Variants in ENOX1 observed in about 807,000 individuals in gnomAD.
ENOX1 encodes the protein candidate growth-related and time keeping constitutive hydroquinone (NADH) oxidase.
ENOX1 carries 42 observed loss-of-function variants against 82.5 expected under a neutral mutation model. The ratio of observed to expected loss-of-function variants is 0.51; its 90% CI spans 0.40 to 0.66. The LOEUF (loss-of-function observed/expected upper bound fraction) is 0.66. Ranked by LOEUF, ENOX1 falls within the 30% of genes least tolerant of loss-of-function variation. The probability of loss-of-function intolerance (pLI) is 0.00; values close to 1 mark genes in which losing one functional copy is unlikely to be tolerated. For missense variants in ENOX1, 608 were observed against 811.6 expected (o/e 0.75, Z 3.05); for synonymous variants, 271 against 282.2 (o/e 0.96, Z 0.40).
chr13:43,470,283 C>CATAT (rs375163688), intron 3 of ENOX1, among the ~76,000 whole-genome samples: 3 of 63,340 alleles, frequency 4.7e-5, no homozygotes, highest in Admixed American at 3.1e-4. Flanking sequence ...CATATATATA[C>CATAT]ATATATATAT....
intron 1 of ENOX1, among the ~76,000 whole-genome samples, chr13:43,690,043 C>T (rs2086273644): frequency 6.6e-6 from 1 of 152,100 alleles, no homozygotes; most frequent in East Asian, 1.9e-4. Flanking sequence ...ATCCCCTGTT[C>T]CTTGGCTCTT....
intron 1 of ENOX1, among the ~76,000 whole-genome samples, chr13:43,687,380 T>C (rs891452017): frequency 2.6e-5 from 4 of 152,260 alleles, no homozygotes; most frequent in Admixed American, 2.0e-4. Context: ...ATCTGGAGTA[T>C]TGGGTGTCTC....
intron 2 of ENOX1, among the ~76,000 whole-genome samples, chr13:43,617,077 T>G (rs2082514146): frequency 1.3e-5 from 2 of 152,176 alleles, no homozygotes. Flanking sequence ...TATACATAAC[T>G]GTATGAGAGA....
intron 5 of ENOX1, among the ~76,000 whole-genome samples, chr13:43,396,174 C>A (rs989339393): frequency 1.3e-5 from 2 of 152,170 alleles, no homozygotes; most frequent in African/African-American, 4.8e-5. Flanking sequence ...GCCACTGCTA[C>A]GTCAAAAGCC....
At chr13:43,521,313 G>A (rs553260190) in intron 2 of ENOX1, among the ~76,000 whole-genome samples, 1 of 152,212 alleles carries the variant, frequency 6.6e-6, no homozygotes, top group Admixed American at 6.5e-5. Flanking sequence ...ACCATAAGAT[G>A]TATCTGGGTA....
At chr13:43,417,201 G>A (rs889935320) in intron 3 of ENOX1, among the ~76,000 whole-genome samples, 46 of 111,776 alleles carry the variant, frequency 4.1e-4, no homozygotes, top group Admixed American at 2.1e-3. Flanking sequence ...AGAGGGAGAC[G>A]GGAGACGGGA....
chr13:43,365,313 A>C (rs2050779508), intron 5 of ENOX1, among the ~76,000 whole-genome samples: 1 of 152,236 alleles, frequency 6.6e-6, no homozygotes, highest in Non-Finnish European at 1.5e-5. Flanking sequence ...GACAGAGAGA[A>C]GTTGTCAGTA....
At chr13:43,340,429 C>T (rs2048985047) in intron 9 of ENOX1, among the ~76,000 whole-genome samples, 1 of 152,228 alleles carries the variant, frequency 6.6e-6, no homozygotes, top group South Asian at 2.1e-4. Flanking sequence ...TTTTCACAAT[C>T]TCGGTTGATA....
chr13:43,427,086 C>T (rs2055354085), intron 3 of ENOX1, among the ~76,000 whole-genome samples: 2 of 152,116 alleles, frequency 1.3e-5, no homozygotes, highest in Admixed American at 6.5e-5. Context: ...GAGTAAATAT[C>T]AATATACACT....
At chr13:43,492,635 G>A (rs181512763) in intron 2 of ENOX1, among the ~76,000 whole-genome samples, 11 of 152,096 alleles carry the variant, frequency 7.2e-5, no homozygotes, top group East Asian at 1.9e-4. Context: ...ATTGCAAACC[G>A]GTCAAATAAT....
intron 2 of ENOX1, among the ~76,000 whole-genome samples, chr13:43,575,347 C>T (rs910939496): frequency 2.0e-5 from 3 of 152,230 alleles, no homozygotes; most frequent in South Asian, 2.1e-4. Context: ...AGTGGAAAGT[C>T]GGCCAAAATG....
chr13:43,444,369 C>T (rs2056514852), intron 3 of ENOX1, among the ~76,000 whole-genome samples: 1 of 152,170 alleles, frequency 6.6e-6, no homozygotes, highest in Non-Finnish European at 1.5e-5. Context: ...GAGGTGAAGG[C>T]TGAGCTGCAG....
chr13:43,587,052 G>A (rs1026668129), intron 2 of ENOX1, among the ~76,000 whole-genome samples: 2 of 146,560 alleles, frequency 1.4e-5, no homozygotes, highest in Admixed American at 6.9e-5. Flanking sequence ...CCAGTCTGGC[G>A]ACAGAGCGAG....
intron 9 of ENOX1, among the ~76,000 whole-genome samples, chr13:43,334,395 G>A (rs868778738): frequency 1.3e-5 from 2 of 152,180 alleles, no homozygotes; most frequent in African/African-American, 4.8e-5. Flanking sequence ...GCTCTGTGGT[G>A]TGTAATGTGC....
At chr13:43,741,761 T>C (rs1949751634) in intron 1 of ENOX1, among the ~76,000 whole-genome samples, 1 of 152,242 alleles carries the variant, frequency 6.6e-6, no homozygotes, top group African/African-American at 2.4e-5. Flanking sequence ...AATTTATCTG[T>C]TTTTTGTTGC....
chr13:43,314,157 C>T (rs772594983), intron 11 of ENOX1, among the ~76,000 whole-genome samples: 1 of 152,182 alleles, frequency 6.6e-6, no homozygotes, highest in Non-Finnish European at 1.5e-5. Context: ...TGTCCTGGAA[C>T]TGGGGAGAAG....
Position 43,516,196 on chromosome 13 carries a change from G to A in ENOX1, c.-218-32044C>T, listed in dbSNP as rs141943444. On this transcript the variant is annotated intron_variant, in intron 2 of 16. Transcript: ENST00000690772. ...TTACCAAAAGTTTCTGAATCCCTGT[G>A]TTCATTGACATATCATTAATGTCTT... 3.6e-3 allele frequency among the ~76,000 whole-genome samples: 548 copies of A among 152,212 alleles called. 1 individual carries two copies. Among genetic ancestry groups the A allele is most frequent in the Non-Finnish European group, 6.1e-3 (418 of 68,006 alleles).
intron 3 of ENOX1, among the ~76,000 whole-genome samples, chr13:43,421,435 G>C (rs910124205): frequency 6.6e-6 from 1 of 152,170 alleles, no homozygotes; most frequent in African/African-American, 2.4e-5. Flanking sequence ...GTTGTAAGGA[G>C]CTTCTTGACT....
intron 1 of ENOX1, among the ~76,000 whole-genome samples, chr13:43,721,376 CT>C (rs761888585): frequency 7.7e-4 from 83 of 107,590 alleles, no homozygotes; most frequent in Admixed American, 3.2e-3. Flanking sequence ...TATTTTATAT[CT>C]TTTTTTTTTT....
Sources: allele counts gnomAD v4.1 joint callset (sites outside exome capture counted in the v4.1 genomes callset), GRCh38; gene constraint gnomAD v4.1.1; transcripts MANE v1.5; gene names NCBI Gene and HGNC (gene_info 2026-07-23, HGNC 2026-07-21).